The following MTCL1 variants were observed in gnomAD, a reference collection of about 807,000 sequenced individuals.
MTCL1 encodes microtubule crosslinking factor 1.
Under a neutral mutation model 141.4 loss-of-function variants are expected in MTCL1, and 79 were observed. The ratio of observed to expected loss-of-function variants is 0.56; its 90% confidence interval spans 0.47 to 0.67. MTCL1 has a LOEUF of 0.67. MTCL1 is among the 30% of genes least tolerant of loss of function. The pLI, the probability that MTCL1 is intolerant of heterozygous loss-of-function variation, is 0.00. For synonymous variants in MTCL1, 914 were observed against 875.8 expected, an observed-to-expected ratio of 1.04 and a Z score of -0.77; for missense variants, 2,177 against 2,113.9, an observed-to-expected ratio of 1.03 and a Z score of -0.59.
chr18:8,714,620 A>C (rs2096115374), upstream of MTCL1, among the ~76,000 whole-genome samples: 1 of 152,026 alleles, frequency 6.6e-6, no homozygotes. Flanking sequence ...AAACCATTAG[A>C]TCTCTCTTGA....
intron 4 of MTCL1, among the ~76,000 whole-genome samples, chr18:8,774,447 T>G (rs1463374734): frequency 5.6e-5 from 4 of 71,986 alleles, no homozygotes; most frequent in South Asian, 6.2e-4. Flanking sequence ...TTTCTGGTCT[T>G]TCTTTCTTTT....
In MTCL1 at chr18:8,786,110, T is replaced by TCCCCCCCCCCAC; in HGVS notation, c.1887+29_1887+30insACCCCCCCCCCC. ...CCTGGAGGTCAGCGTGGGCAAGCAA[T>TCCCCCCCCCCAC]CCCCCCCCCCCGCCCTCCCCCTCCT... On this transcript the variant is annotated intron_variant, in intron 7 of 16. Coordinates refer to ENST00000359865, the Ensembl canonical transcript of MTCL1. The TCCCCCCCCCCAC allele has an allele frequency of 9.9e-6, 13 of 1,310,340 alleles. No individual in the cohort carries two copies. Among genetic ancestry groups the TCCCCCCCCCCAC allele is most frequent in the African/African-American group, 4.4e-5 (2 of 45,890 alleles). The allele number at this position is 1,310,340 out of a possible 1,614,324, so 81.2% of individuals were successfully genotyped here.
chr18:8,706,720 C>A lies in MTCL1; in HGVS notation c.1053+7C>A, dbSNP rs1567915554. The A allele has an allele frequency of 1.3e-6, 2 of 1,544,652 alleles. No homozygotes were observed. The highest frequency in any genetic ancestry group is 1.7e-6 in the Non-Finnish European group (2 of 1,146,010). On this transcript the variant is annotated splice_region_variant and intron_variant, in intron 1 of 13. Coordinates refer to the MTCL1 transcript ENST00000306329. ...GGAGAACGACTATCTCAAGGTGAGC[C>A]GCGCCTCGGCCGCAGGTGTCCCGGG... is the stretch of plus-strand genomic sequence containing the variant.
chr18:8,742,664 G>A (rs1056749116), intron 4 of MTCL1, among the ~76,000 whole-genome samples: 1 of 152,142 alleles, frequency 6.6e-6, no homozygotes. Flanking sequence ...TTTGGGTGGG[G>A]ACACAGCCAA....
chr18:8,715,016 T>C (rs1598366259), upstream of MTCL1, among the ~76,000 whole-genome samples: 1 of 152,312 alleles, frequency 6.6e-6, no homozygotes, highest in East Asian at 1.9e-4. Context: ...CAGGATGGTC[T>C]TGATCTCCTG....
chr18:8,736,390 A>T (rs1207909741), intron 4 of MTCL1, among the ~76,000 whole-genome samples: 1 of 152,212 alleles, frequency 6.6e-6, no homozygotes, highest in Non-Finnish European at 1.5e-5. Context: ...ACTGAATGTC[A>T]TAGCTCAGCC....
At chr18:8,769,803 C>T (rs1157896676) in intron 4 of MTCL1, among the ~76,000 whole-genome samples, 1 of 152,214 alleles carries the variant, frequency 6.6e-6, no homozygotes, top group African/African-American at 2.4e-5. Context: ...ATGTAATTTT[C>T]CTCTTCTTTC....
chr18:8,785,096 G>GTT (rs1334444232), intron 6 of MTCL1, among the ~76,000 whole-genome samples: 1 of 150,102 alleles, frequency 6.7e-6, no homozygotes, highest in Non-Finnish European at 1.5e-5. Context: ...TAACTGCGCC[G>GTT]CGGCTCATGG....
At chr18:8,774,582 G>A (rs1241108710) in intron 4 of MTCL1, among the ~76,000 whole-genome samples, 1 of 151,996 alleles carries the variant, frequency 6.6e-6, no homozygotes, top group Non-Finnish European at 1.5e-5. Context: ...CCACCTCCCG[G>A]GTTCAAGCAA....
intron 4 of MTCL1, among the ~76,000 whole-genome samples, chr18:8,762,020 T>C (rs1261153827): frequency 6.6e-6 from 1 of 152,238 alleles, no homozygotes; most frequent in Non-Finnish European, 1.5e-5. Flanking sequence ...TTCATTCCTT[T>C]CTATGTCTGA....
At chr18:8,795,163 G>C (rs927513777) in intron 8 of MTCL1, among the ~76,000 whole-genome samples, 3 of 152,216 alleles carry the variant, frequency 2.0e-5, no homozygotes, top group African/African-American at 7.2e-5. Context: ...CTAGACCTAT[G>C]GACCTTTCCA....
At chr18:8,825,473 T>C in exon 15 of MTCL1, 2 of 1,606,132 alleles carry the variant, frequency 1.2e-6, no homozygotes, top group Non-Finnish European at 1.7e-6. Flanking sequence ...GGACCCAGAC[T>C]GTTCAGACCA....
At chr18:8,789,808 A>AT in intron 7 of MTCL1, 1 of 670,920 alleles carries the variant, frequency 1.5e-6, no homozygotes, top group Non-Finnish European at 1.8e-6. Context: ...TTTAGAAGAC[A>AT]TTTATGTGTC....
intron 1 of MTCL1, among the ~76,000 whole-genome samples, chr18:8,711,929 G>GGAGACAATCAGACA (rs2096095168): frequency 6.6e-6 from 1 of 152,128 alleles, no homozygotes; most frequent in Non-Finnish European, 1.5e-5. Context: ...TGTTTTGCTC[G>GGAGACAATCAGACA]AGTGCTCGGA....
chr18:8,710,888 C>CTTTTTTTTTT (rs71356255), intron 1 of MTCL1, among the ~76,000 whole-genome samples: 5 of 80,930 alleles, frequency 6.2e-5, no homozygotes, highest in Admixed American at 1.7e-4. Flanking sequence ...TTTTTTTTTA[C>CTTTTTTTTTT]TTTTTTTTTT....
At chr18:8,773,712 AGT>A (rs1296855170) in intron 4 of MTCL1, among the ~76,000 whole-genome samples, 1 of 152,134 alleles carries the variant, frequency 6.6e-6, no homozygotes, top group Non-Finnish European at 1.5e-5. Flanking sequence ...ATCTGTATAT[AGT>A]GTGTGTCTCA....
intron 4 of MTCL1, among the ~76,000 whole-genome samples, chr18:8,736,377 C>G (rs185873170): frequency 6.6e-6 from 1 of 152,284 alleles, no homozygotes; most frequent in Admixed American, 6.5e-5. Context: ...ATACACTTAG[C>G]CTACTGAATG....
At chr18:8,726,535 GC>G (rs1173326583) in intron 4 of MTCL1, among the ~76,000 whole-genome samples, 72 of 77,288 alleles carry the variant, frequency 9.3e-4, no homozygotes, top group African/African-American at 2.2e-3. Flanking sequence ...GAGCGAGTGC[GC>G]ATGCGCGCGC....
In MTCL1 at chr18:8,819,200, G is replaced by A. The variant is rs571648534; in HGVS notation, c.3097G>A (p.Glu1033Lys). The A allele has an allele frequency of 1.4e-5, 23 of 1,614,214 alleles. No individual in the cohort carries two copies. The highest frequency in any genetic ancestry group is 1.6e-4 in the Middle Eastern group (1 of 6,062). The change falls in exon 13 of 17, where the codon GAG becomes AAG. Residue 1033 changes from glutamate (E) to lysine (K), a missense_variant. Physicochemically the swap from Glu to Lys is moderately conservative, Grantham distance 56. Coordinates refer to ENST00000359865, the Ensembl canonical transcript of MTCL1. The stretch of plus-strand genomic sequence containing the variant: ...CCTGGATGCCTTGTCCCTGGATGAC[G>A]AGCCAGAAGAGCCACCAGCCCACAG...
Sources: allele counts gnomAD v4.1 joint callset (sites outside exome capture counted in the v4.1 genomes callset), GRCh38; gene constraint gnomAD v4.1.1; transcripts MANE v1.5; gene names NCBI Gene and HGNC (gene_info 2026-07-23, HGNC 2026-07-21).